Variants in IGF1R observed in about 807,000 individuals in gnomAD.
IGF1R encodes insulin-like growth factor 1 receptor.
A neutral mutation model predicts 144.6 loss-of-function variants in IGF1R; 44 were observed. The observed-to-expected ratio is 0.30, with a 90% confidence interval of 0.24 to 0.39. IGF1R has a LOEUF of 0.39. Among genes scored for constraint, IGF1R ranks in the 10% least tolerant of loss-of-function variants. The probability of loss-of-function intolerance (pLI) is 1.00; values close to 1 mark genes in which losing one functional copy is unlikely to be tolerated. For missense variants in IGF1R, 1,355 were observed against 1,833.7 expected, an observed-to-expected ratio of 0.74 and a Z score of 4.77; for synonymous variants, 795 against 722.8, an observed-to-expected ratio of 1.10 and a Z score of -1.60.
rs752140857 is a variant in IGF1R at position 98,948,659 on chromosome 15, G to A, written c.3673G>A (p.Val1225Ile). The A allele has an allele frequency of 5.0e-6, 8 of 1,614,050 alleles. No homozygotes were observed. The highest frequency in any genetic ancestry group is 2.7e-5 in the African/African-American group (2 of 74,912). Reference sequence around the variant, plus strand: ...GTCCAACGAGCAAGTCCTTCGCTTCGTCATGGAGGGCGGCCTTCTGGACAA... The same window carrying A: ...GTCCAACGAGCAAGTCCTTCGCTTCATCATGGAGGGCGGCCTTCTGGACAA... ...GLSNEQVLRFVMEGGLLDKPD... is the reference protein window; with the variant it reads ...GLSNEQVLRFIMEGGLLDKPD... The change falls in exon 20 of 21, where the codon GTC becomes ATC. Residue 1225 changes from valine to isoleucine, a missense_variant. Val to Ile is a conservative substitution (Grantham distance 29). Transcript: ENST00000650285.
chr15:98,709,185 C>A (rs1313999123), intron 2 of IGF1R, among the ~76,000 whole-genome samples: 1 of 152,114 alleles, frequency 6.6e-6, no homozygotes, highest in Non-Finnish European at 1.5e-5. Flanking sequence ...ACCAAGAAAC[C>A]CCAAATTGTT....
chr15:98,747,139 A>T (rs2054887937), intron 2 of IGF1R, among the ~76,000 whole-genome samples: 1 of 152,214 alleles, frequency 6.6e-6, no homozygotes, highest in Non-Finnish European at 1.5e-5. Flanking sequence ...TTCAAACTAT[A>T]GCTCTATCAG....
intron 10 of IGF1R, among the ~76,000 whole-genome samples, chr15:98,919,881 TTC>T (rs1312251668): frequency 3.3e-5 from 5 of 152,246 alleles, no homozygotes; most frequent in African/African-American, 1.2e-4. Flanking sequence ...TGGATTTGAT[TTC>T]TTTCAGTTCA....
At position 98,896,874 on chromosome 15, in the gene IGF1R, G is replaced by A. The variant is rs1272764447; in HGVS notation, c.1071G>A (p.Lys357=). 3 of 1,614,010 alleles carry A rather than the reference G, an allele frequency of 1.9e-6. No homozygotes were observed. The highest frequency in any genetic ancestry group is 2.5e-6 in the Non-Finnish European group (3 of 1,179,998). ...TGCTCCAAGGATGCACCATCTTCAAGGGCAATTTGCTCATTAACATCCGAC... is the reference window on the plus strand; with the variant it reads ...TGCTCCAAGGATGCACCATCTTCAAAGGCAATTTGCTCATTAACATCCGAC... ...AQMLQGCTIF[K]GNLLINIRRG... is the part of the protein sequence containing the mutation. The change falls in exon 4 of 21, where the codon AAG becomes AAA. Residue 357 remains lysine (K), a synonymous_variant. Transcript: ENST00000650285.
intron 1 of IGF1R, among the ~76,000 whole-genome samples, chr15:98,698,221 T>G (rs2053642239): frequency 6.7e-6 from 1 of 150,290 alleles, no homozygotes; most frequent in South Asian, 2.1e-4. Context: ...GTATTTTTAG[T>G]GGAGATGGGG....
At chr15:98,799,833 T>C (rs978405829) in intron 2 of IGF1R, among the ~76,000 whole-genome samples, 1 of 152,132 alleles carries the variant, frequency 6.6e-6, no homozygotes, top group African/African-American at 2.4e-5. Flanking sequence ...TTCGAAGCCT[T>C]GTGTTTTGCA....
At position 98,957,865 on chromosome 15, in the gene IGF1R, C is replaced by T. The variant is rs990161996; in HGVS notation, c.*423C>T. On this transcript the variant is annotated 3_prime_UTR_variant, in exon 21 of 21. Coordinates refer to ENST00000650285, the MANE Select transcript of IGF1R (RefSeq NM_000875.5). ...TTTGAGGAAGTGGCTGTCCCTGTGG[C>T]CCCATCCAACCACTGTACACACCCG... The T allele has an allele frequency of 2.8e-5, 8 of 283,998 alleles. No homozygotes were observed. The highest frequency in any genetic ancestry group is 2.7e-5 in the Non-Finnish European group (4 of 148,786). The allele number at this position is 283,998 out of a possible 1,614,324, so 17.6% of individuals were successfully genotyped here. A position where few individuals can be genotyped will look rare whatever the true frequency, so the allele number is the denominator to read the frequency against.
intron 19 of IGF1R, 86 bp from the exon 20 acceptor site, chr15:98,948,488 G>A (rs538844560): frequency 2.0e-5 from 28 of 1,402,984 alleles, no homozygotes; most frequent in African/African-American, 8.5e-5. Flanking sequence ...TTATCTGCTC[G>A]GGATGTAAGA....
intron 2 of IGF1R, among the ~76,000 whole-genome samples, chr15:98,711,813 C>T (rs187819361): frequency 1.8e-4 from 28 of 152,282 alleles, no homozygotes; most frequent in Admixed American, 8.5e-4. Context: ...CCCTGAGTGG[C>T]TTACACACAA....
At chr15:98,674,205 T>C (rs1034526074) in intron 1 of IGF1R, among the ~76,000 whole-genome samples, 19 of 152,190 alleles carry the variant, frequency 1.2e-4, no homozygotes, top group African/African-American at 4.3e-4. Flanking sequence ...CACATCACGG[T>C]TAGACATACC....
rs1567152822 is a variant in IGF1R at position 98,835,086 on chromosome 15, C to T, written c.641-56239C>T. 3.3e-5 allele frequency among the ~76,000 whole-genome samples: 5 copies of T among 149,474 alleles called. No homozygotes were observed. The East Asian group carries it at 7.9e-4, about 24-fold the overall frequency. On this transcript the variant is annotated intron_variant, in intron 2 of 20. Transcript: ENST00000650285. ...GGCAAGAGAACACCCCCCCTACACA[C>T]ACACACACACACACACACACACACC...
At chr15:98,795,578 T>C (rs11247374) in intron 2 of IGF1R, among the ~76,000 whole-genome samples, 122,345 of 151,962 alleles carry the variant, frequency 0.81, 50,235 homozygotes, top group Non-Finnish European at 0.88. Flanking sequence ...CCACCCCTGG[T>C]TAATTTTTTT....
chr15:98,927,895 T>C (rs2015784764), intron 13 of IGF1R, among the ~76,000 whole-genome samples: 1 of 152,208 alleles, frequency 6.6e-6, no homozygotes. Flanking sequence ...CATAGACATC[T>C]GTATTTGGAC....
chr15:98,815,079 A>G (rs997342371), intron 2 of IGF1R, among the ~76,000 whole-genome samples: 2 of 152,226 alleles, frequency 1.3e-5, no homozygotes, highest in Non-Finnish European at 2.9e-5. Flanking sequence ...CTCTATTCTG[A>G]TACTGTTAAG....
At chr15:98,946,593 G>A (rs74032123) in intron 19 of IGF1R, among the ~76,000 whole-genome samples, 10,697 of 152,206 alleles carry the variant, frequency 0.07, 660 homozygotes, top group African/African-American at 0.17. Flanking sequence ...GTGGGACTCC[G>A]AGGAGGCCAA....
At chr15:98,882,200 G>A (rs1018471664) in intron 2 of IGF1R, among the ~76,000 whole-genome samples, 1 of 152,236 alleles carries the variant, frequency 6.6e-6, no homozygotes, top group Non-Finnish European at 1.5e-5. Flanking sequence ...GAGGGAAGCC[G>A]TGACCGTCAT....
At chr15:98,863,119 A>G (rs1361436087) in intron 2 of IGF1R, among the ~76,000 whole-genome samples, 1 of 152,164 alleles carries the variant, frequency 6.6e-6, no homozygotes, top group Non-Finnish European at 1.5e-5. Context: ...CGAAGTTCGC[A>G]CTTTTGGAGA....
In IGF1R at chr15:98,707,106, C is replaced by CT. The variant is rs1596213390; in HGVS notation, c.95-455dup. On this transcript the variant is annotated intron_variant, in intron 1 of 20. Transcript: ENST00000650285. This position sits in a 1 kb window ranked among gnomAD's most constrained non-coding sequence, Gnocchi z 6.7. ...TCCAGTGTAGAGTAGATTGATTGCC[C>CT]TGTGTCCTTCAGGCAGGGTGCAGTA... Among the ~76,000 whole-genome samples, 1 of 152,160 alleles carries CT rather than the reference C, an allele frequency of 6.6e-6. No individual in the cohort carries two copies. Among genetic ancestry groups the CT allele is most frequent in the African/African-American group, 2.4e-5 (1 of 41,432 alleles).
chr15:98,940,415 T>G (rs1460662195), intron 18 of IGF1R, among the ~76,000 whole-genome samples: 1 of 152,200 alleles, frequency 6.6e-6, no homozygotes, highest in Admixed American at 6.5e-5. Context: ...AACGGTTTCT[T>G]TTTTTGAGAC....
Sources: allele counts gnomAD v4.1 joint callset (sites outside exome capture counted in the v4.1 genomes callset), GRCh38; gene constraint gnomAD v4.1.1; non-coding constraint Gnocchi (gnomAD v3.1); transcripts MANE v1.5; gene names NCBI Gene and HGNC (gene_info 2026-07-23, HGNC 2026-07-21).